CSMD1: variants seen among roughly 807,000 people sequenced by gnomAD.
CSMD1 encodes the protein CUB and sushi domain-containing protein 1.
Under a neutral mutation model 417.5 loss-of-function variants are expected in CSMD1, and 213 were observed. The ratio of observed to expected loss-of-function variants is 0.51; its 90% CI spans 0.46 to 0.57. CSMD1 has a LOEUF of 0.57. CSMD1 is among the 20% of genes least tolerant of loss of function. The pLI, the probability that CSMD1 is intolerant of heterozygous loss-of-function variation, is 0.00. For missense variants in CSMD1, 6,923 were observed against 4,529.7 expected, an observed-to-expected ratio of 1.53 and a Z score of -15.17; for synonymous variants, 2,862 against 1,736.8, an observed-to-expected ratio of 1.65 and a Z score of -16.11.
chr8:3,153,008 T>G (rs558449791), intron 39 of CSMD1, among the ~76,000 whole-genome samples: 1 of 152,304 alleles, frequency 6.6e-6, no homozygotes, highest in South Asian at 2.1e-4. Context: ...AAAACAAGGC[T>G]GAAACGTACT....
chr8:4,443,849 T>C (rs1270410940), intron 2 of CSMD1, among the ~76,000 whole-genome samples: 1 of 152,190 alleles, frequency 6.6e-6, no homozygotes, highest in Non-Finnish European at 1.5e-5. Flanking sequence ...AACTTCTGGG[T>C]AACAAAGTTG....
At chr8:3,830,474 T>G (rs539514333) in intron 5 of CSMD1, among the ~76,000 whole-genome samples, 9 of 152,352 alleles carry the variant, frequency 5.9e-5, no homozygotes, top group Admixed American at 2.6e-4. Context: ...TTCTCTAAGC[T>G]CTGCATTCTG....
chr8:3,091,374 C>A, intron 48 of CSMD1, 142 bp downstream of exon 48: 1 of 529,824 alleles, frequency 1.9e-6, no homozygotes. Flanking sequence ...GAATAATTAC[C>A]CATCATATAT....
intron 37 of CSMD1, among the ~76,000 whole-genome samples, chr8:3,173,570 G>T (rs780711898): frequency 1.9e-4 from 29 of 152,176 alleles, no homozygotes; most frequent in Admixed American, 4.6e-4. Flanking sequence ...AGAAATAAAT[G>T]CAGTAAGTGT....
intron 3 of CSMD1, among the ~76,000 whole-genome samples, chr8:4,120,945 A>C (rs1207937022): frequency 6.6e-6 from 1 of 152,216 alleles, no homozygotes; most frequent in East Asian, 1.9e-4. Context: ...GTGTATAATA[A>C]GAATACTTTT....
intron 1 of CSMD1, among the ~76,000 whole-genome samples, chr8:4,692,452 T>G (rs1233395812): frequency 6.6e-6 from 1 of 152,176 alleles, no homozygotes; most frequent in East Asian, 1.9e-4. Flanking sequence ...TCCTTGAAGC[T>G]CCTGGCTATG....
intron 3 of CSMD1, among the ~76,000 whole-genome samples, chr8:4,243,198 C>T (rs1313809727): frequency 6.6e-6 from 1 of 151,994 alleles, no homozygotes; most frequent in African/African-American, 2.4e-5. Flanking sequence ...CTGAGGAGGA[C>T]ATGGCAGAGC....
chr8:4,198,356 G>C (rs1303801681), intron 3 of CSMD1, among the ~76,000 whole-genome samples: 1 of 152,220 alleles, frequency 6.6e-6, no homozygotes, highest in African/African-American at 2.4e-5. Flanking sequence ...TGCTAAGCCA[G>C]GAGCCTGAAC....
intron 2 of CSMD1, among the ~76,000 whole-genome samples, chr8:4,551,381 T>G (rs1263079366): frequency 6.6e-6 from 1 of 152,190 alleles, no homozygotes; most frequent in African/African-American, 2.4e-5. Context: ...CTACCCTTAA[T>G]TCTCCTCCCC....
chr8:3,168,021 G>C (rs1820338759), intron 37 of CSMD1, among the ~76,000 whole-genome samples: 1 of 151,476 alleles, frequency 6.6e-6, no homozygotes, highest in Admixed American at 6.6e-5. Context: ...GTGCATGACT[G>C]GCAGAGTGTA....
In CSMD1 at chr8:3,590,795, G is replaced by A. The variant is rs550454586; in HGVS notation, c.1098-4535C>T. On this transcript the variant is annotated intron_variant, in intron 8 of 69. Transcript: ENST00000635120. Reference sequence around the variant, plus strand: ...TCCACGTGGGAATAAATCAAGTTGAGGCAGAAACTAAATAAGACCCCAATT... The same window carrying A: ...TCCACGTGGGAATAAATCAAGTTGAAGCAGAAACTAAATAAGACCCCAATT... 7.2e-5 allele frequency among the ~76,000 whole-genome samples: 11 copies of A among 152,142 alleles called. 1 individual carries two copies. The highest frequency in any genetic ancestry group is 3.4e-3 in the Middle Eastern group (1 of 294).
chr8:3,358,214 A>G (rs186731478), intron 21 of CSMD1, among the ~76,000 whole-genome samples: 1 of 152,312 alleles, frequency 6.6e-6, no homozygotes, highest in East Asian at 1.9e-4. Flanking sequence ...TGTGGTTCGT[A>G]TTCTGGACTC....
chr8:4,171,880 C>G (rs866506193), intron 3 of CSMD1, among the ~76,000 whole-genome samples: 2 of 152,102 alleles, frequency 1.3e-5, no homozygotes, highest in African/African-American at 4.8e-5. Context: ...ACATCAAATA[C>G]TTGAATGCAA....
chr8:3,943,337 T>G (rs1811009767), intron 5 of CSMD1, among the ~76,000 whole-genome samples: 1 of 150,068 alleles, frequency 6.7e-6, no homozygotes, highest in Non-Finnish European at 1.5e-5. Context: ...AGTATTCTTG[T>G]AGTGAGTGAA....
intron 2 of CSMD1, among the ~76,000 whole-genome samples, chr8:4,447,958 T>C (rs1744837014): frequency 6.6e-6 from 1 of 152,162 alleles, no homozygotes; most frequent in African/African-American, 2.4e-5. Flanking sequence ...TAAAAGACAA[T>C]GCTAATAGTA....
intron 18 of CSMD1, among the ~76,000 whole-genome samples, chr8:3,370,304 G>C (rs1468814776): frequency 6.6e-6 from 1 of 152,148 alleles, no homozygotes; most frequent in Non-Finnish European, 1.5e-5. Flanking sequence ...AAAGGAAATG[G>C]AGTCACCAGA....
At chr8:3,336,698 G>C (rs1356450844) in intron 23 of CSMD1, among the ~76,000 whole-genome samples, 1 of 152,164 alleles carries the variant, frequency 6.6e-6, no homozygotes, top group East Asian at 1.9e-4. Context: ...GACTGTTCCC[G>C]ATGTGGGCGA....
At chr8:4,504,458 A>G (rs1802417186) in intron 2 of CSMD1, among the ~76,000 whole-genome samples, 1 of 152,328 alleles carries the variant, frequency 6.6e-6, no homozygotes, top group South Asian at 2.1e-4. Context: ...TTGTTAAGAA[A>G]GTAGATCTCA....
At chr8:4,127,694 A>G (rs941793576) in intron 3 of CSMD1, among the ~76,000 whole-genome samples, 23 of 152,194 alleles carry the variant, frequency 1.5e-4, no homozygotes, top group African/African-American at 5.3e-4. Context: ...AATAATAGGC[A>G]GTCATGATGA....
Sources: gnomAD v4.1 joint callset for allele counts (sites outside exome capture counted in the v4.1 genomes callset) on GRCh38, gnomAD v4.1.1 for gene constraint, MANE v1.5 for transcripts, NCBI Gene and HGNC (gene_info 2026-07-23, HGNC 2026-07-21) for gene names.